SLC2A12: variants seen among roughly 807,000 people sequenced by gnomAD.
The protein encoded by SLC2A12 is solute carrier family 2 member 12.
Under a neutral mutation model 41.8 loss-of-function variants are expected in SLC2A12, and 23 were observed. The ratio of observed to expected loss-of-function variants is 0.55; its 90% CI spans 0.40 to 0.78. SLC2A12 has a LOEUF of 0.78. Among genes scored for constraint, SLC2A12 ranks in the 30% least tolerant of loss-of-function variants. SLC2A12 has a pLI of 0.00. For missense variants in SLC2A12, 654 were observed against 745.6 expected, an observed-to-expected ratio of 0.88 and a Z score of 1.43; for synonymous variants, 295 against 285.9, an observed-to-expected ratio of 1.03 and a Z score of -0.32.
At chr6:133,994,737 A>T (rs1776666124) in intron 4 of SLC2A12, among the ~76,000 whole-genome samples, 1 of 152,186 alleles carries the variant, frequency 6.6e-6, no homozygotes, top group Non-Finnish European at 1.5e-5. Context: ...CAAACAAAAA[A>T]GAAACTAACA....
At chr6:134,017,825 T>C (rs1334161094) in intron 2 of SLC2A12, among the ~76,000 whole-genome samples, 2 of 148,076 alleles carry the variant, frequency 1.4e-5, no homozygotes, top group Non-Finnish European at 3.0e-5. Flanking sequence ...CTGCACTCCA[T>C]CCAGCCTGGG....
chr6:134,006,710 G>A (rs1776820414), intron 3 of SLC2A12, 102 bp downstream of exon 3: 1 of 1,450,716 alleles, frequency 6.9e-7, no homozygotes, highest in Middle Eastern at 1.8e-4. Context: ...TTCTAAGTGT[G>A]TTTGAAAATT....
intron 2 of SLC2A12, among the ~76,000 whole-genome samples, chr6:134,014,771 C>T (rs544679010): frequency 1.5e-4 from 23 of 152,262 alleles, no homozygotes; most frequent in African/African-American, 5.5e-4. Context: ...GGAGTATAGA[C>T]TGAGAGATAA....
chr6:134,038,352 C>CATTT, intron 1 of SLC2A12, among the ~76,000 whole-genome samples: 1 of 134,020 alleles, frequency 7.5e-6, no homozygotes, highest in South Asian at 2.3e-4. Flanking sequence ...TTTCTTTCTG[C>CATTT]CTTTTTTTTT....
intron 1 of SLC2A12, among the ~76,000 whole-genome samples, chr6:134,042,960 C>G (rs967244237): frequency 7.2e-6 from 1 of 138,878 alleles, no homozygotes; most frequent in Non-Finnish European, 1.6e-5. Flanking sequence ...GAGTAACACT[C>G]TGTCTCAAAA....
At chr6:134,026,321 A>C (rs947333371) in intron 2 of SLC2A12, among the ~76,000 whole-genome samples, 1 of 152,236 alleles carries the variant, frequency 6.6e-6, no homozygotes, top group Non-Finnish European at 1.5e-5. Context: ...GAAGTTTATC[A>C]AATGAGCAAA....
chr6:134,017,725 G>A (rs900003613), intron 2 of SLC2A12, among the ~76,000 whole-genome samples: 1 of 152,028 alleles, frequency 6.6e-6, no homozygotes, highest in African/African-American at 2.4e-5. Context: ...GTGGTGGCGG[G>A]CGCCTGTAGT....
chr6:133,996,796 T>C (rs1430881439), intron 4 of SLC2A12, among the ~76,000 whole-genome samples: 1 of 152,218 alleles, frequency 6.6e-6, no homozygotes, highest in Non-Finnish European at 1.5e-5. Context: ...TCGCATTTCC[T>C]TAACTAATTT....
At chr6:134,047,709 G>A (rs943509301) in intron 1 of SLC2A12, among the ~76,000 whole-genome samples, 15 of 152,362 alleles carry the variant, frequency 9.8e-5, no homozygotes, top group Middle Eastern at 3.4e-3. Flanking sequence ...TTCAGCAACT[G>A]TTGGTAATCT....
chr6:133,988,432 A>T lies in SLC2A12; in HGVS notation c.*2723T>A, dbSNP rs2114402833. The T allele has an allele frequency of 6.6e-6, 1 of 152,328 alleles. No individual in the cohort carries two copies. The allele number at this position is 152,328 out of a possible 1,614,324, so 9.4% of individuals were successfully genotyped here. On this transcript the variant is annotated 3_prime_UTR_variant, in exon 5 of 5. Coordinates refer to ENST00000275230, the MANE Select transcript of SLC2A12 (RefSeq NM_145176.3). Reference sequence around the variant, plus strand: ...GCTTCTCAGGAGAAACTTAATGGGGACAATATTCCAACACAATGTTCCACA... The same window carrying T: ...GCTTCTCAGGAGAAACTTAATGGGGTCAATATTCCAACACAATGTTCCACA...
intron 1 of SLC2A12, among the ~76,000 whole-genome samples, chr6:134,031,451 G>T (rs1048765709): frequency 6.6e-6 from 1 of 151,978 alleles, no homozygotes; most frequent in Non-Finnish European, 1.5e-5. Context: ...ACTTGTTCAA[G>T]AATTGGAGAT....
chr6:133,996,895 A>G (rs1217893188), intron 4 of SLC2A12, among the ~76,000 whole-genome samples: 3 of 152,106 alleles, frequency 2.0e-5, no homozygotes, highest in Non-Finnish European at 2.9e-5. Context: ...GTCAATTTAC[A>G]TAAGCCAGGC....
chr6:134,043,804 A>G (rs1011635748), intron 1 of SLC2A12, among the ~76,000 whole-genome samples: 9 of 151,832 alleles, frequency 5.9e-5, no homozygotes, highest in South Asian at 2.1e-4. Flanking sequence ...AAAAAAAAAA[A>G]AAAAGAAAAG....
At chr6:133,997,287 A>G (rs186046933) in intron 4 of SLC2A12, among the ~76,000 whole-genome samples, 3 of 152,170 alleles carry the variant, frequency 2.0e-5, no homozygotes, top group African/African-American at 7.2e-5. Flanking sequence ...CATGTGACGC[A>G]GCAATCTTAT....
chr6:133,997,670 C>T (rs975357342), intron 4 of SLC2A12, among the ~76,000 whole-genome samples: 1 of 152,074 alleles, frequency 6.6e-6, no homozygotes, highest in South Asian at 2.1e-4. Context: ...TGGAGGTGGG[C>T]AAGGGCTAGA....
Position 134,028,801 on chromosome 6 carries a change from C to T in SLC2A12, c.1024G>A (p.Gly342Ser), listed in dbSNP as rs147905593. The change falls in exon 2 of 5, where the codon GGC (glycine) becomes AGC (serine). Residue 342 changes from glycine to serine, a missense_variant. This residue lies in a region of SLC2A12 where 411 missense variants were observed against 412.1 expected (regional missense o/e 1.00). Transcript: ENST00000275230. ...IPATLLVDHV[G>S]SKTFLCIGSS... is the part of the protein sequence containing the mutation. The stretch of plus-strand genomic sequence containing the variant: ...CCAATGCAGAGGAATGTTTTGCTGC[C>T]GACATGGTCTACAAGAAGAGTGGCA... 52 of 1,614,168 alleles carry T rather than the reference C, an allele frequency of 3.2e-5. No individual in the cohort carries two copies. Among genetic ancestry groups the T allele is most frequent in the South Asian group, 6.6e-5 (6 of 91,080 alleles).
chr6:134,036,557 A>G (rs1303781257), intron 1 of SLC2A12, among the ~76,000 whole-genome samples: 1 of 152,192 alleles, frequency 6.6e-6, no homozygotes, highest in East Asian at 1.9e-4. Context: ...GAAGGCAAGA[A>G]CCCTGCCTTT....
rs182180101 is a variant in SLC2A12 at position 133,989,726 on chromosome 6, G to A, written c.*1429C>T. The A allele has an allele frequency of 7.2e-5, 11 of 152,186 alleles. No individual in the cohort carries two copies. Among genetic ancestry groups the A allele is most frequent in the African/African-American group, 2.2e-4 (9 of 41,532 alleles). The allele number at this position is 152,186 out of a possible 1,614,324, so 9.4% of individuals were successfully genotyped here. ...GTTTTACTACTTACATAGGTTTATA[G>A]TCTCTCCACATTGTTATAAAGGAAT... On this transcript the variant is annotated 3_prime_UTR_variant, in exon 5 of 5. Transcript: ENST00000275230.
rs1233412643 is a variant in SLC2A12, at chr6:134,029,357, T to C, written c.468A>G (p.Ala156=). The change falls in exon 2 of 5, where the codon GCA becomes GCG. Residue 156 remains alanine, a synonymous_variant. Transcript: ENST00000275230. ...CTCTTCTGTGTTGAGGAGCAATCTC[T>C]GCGATGTAAACACAAGTGGCAATGG... ...LSSIATCVYI[A]EIAPQHRRGL... is the part of the protein sequence containing the mutation. The C allele has an allele frequency of 1.2e-6, 2 of 1,614,030 alleles. No individual in the cohort carries two copies. Among genetic ancestry groups the C allele is most frequent in the Non-Finnish European group, 1.7e-6 (2 of 1,180,038 alleles).
Sources: allele counts gnomAD v4.1 joint callset (sites outside exome capture counted in the v4.1 genomes callset), GRCh38; gene constraint gnomAD v4.1.1; regional missense constraint gnomAD v4.1.1; transcripts MANE v1.5; gene names NCBI Gene and HGNC (gene_info 2026-07-23, HGNC 2026-07-21).